SPMIP1: variants seen among roughly 807,000 people sequenced by gnomAD.
The protein encoded by SPMIP1 is protein SPMIP1.
chr7:128,870,150 G>T, the SPMIP1 span: 2 of 152,280 alleles, frequency 1.3e-5, no homozygotes, highest in Non-Finnish European at 2.9e-5. Context: ...CTTCTCCGGA[G>T]GTTTGGGCTC....
At chr7:128,868,637 C>G in the SPMIP1 span, 1 of 1,449,748 alleles carries the variant, frequency 6.9e-7, no homozygotes, top group South Asian at 1.2e-5. Flanking sequence ...CTCAGGAACC[C>G]ATGCTTGGCC....
the SPMIP1 span, chr7:128,868,563 C>A: frequency 1.6e-6 from 1 of 617,286 alleles, no homozygotes; most frequent in Non-Finnish European, 2.7e-6. Flanking sequence ...AAAGTGGCTA[C>A]TCCACTGACG....
the SPMIP1 span, chr7:128,866,677 C>G: frequency 1.1e-5 from 17 of 1,535,566 alleles, no homozygotes; most frequent in Non-Finnish European, 1.5e-5. Flanking sequence ...GGAAATGTAC[C>G]CGGTACCACC....
At chr7:128,867,613 C>T in the SPMIP1 span, among the ~76,000 whole-genome samples, 1 of 151,988 alleles carries the variant, frequency 6.6e-6, no homozygotes, top group Non-Finnish European at 1.5e-5. Flanking sequence ...ACTCTGTCAC[C>T]CAGGCTGGAA....
chr7:128,866,871 C>T, the SPMIP1 span: 2 of 1,501,832 alleles, frequency 1.3e-6, no homozygotes, highest in East Asian at 2.5e-5. Flanking sequence ...AAACAGAGCA[C>T]TAGCCATGTG....
the SPMIP1 span, chr7:128,866,636 C>T: frequency 1.3e-6 from 2 of 1,535,336 alleles, no homozygotes; most frequent in Non-Finnish European, 1.7e-6. Context: ...TCCAAGGTGC[C>T]CAGCCCTGTC....
At chr7:128,868,645 G>C in the SPMIP1 span, 1 of 1,494,676 alleles carries the variant, frequency 6.7e-7, no homozygotes, top group African/African-American at 1.4e-5. Context: ...CCCATGCTTG[G>C]CCTCTGACAT....
chr7:128,870,377 C>G, the SPMIP1 span: 2 of 152,536 alleles, frequency 1.3e-5, no homozygotes, highest in East Asian at 3.8e-4. Flanking sequence ...TTCTCTTCGA[C>G]TCCTCCCTCT....
the SPMIP1 span, chr7:128,868,885 T>G: frequency 2.9e-6 from 2 of 682,654 alleles, no homozygotes; most frequent in Non-Finnish European, 4.9e-6. Flanking sequence ...TCCCTGAGGT[T>G]GCATTCAGGC....
the SPMIP1 span, chr7:128,869,076 T>C: frequency 2.5e-6 from 1 of 403,604 alleles, no homozygotes; most frequent in Non-Finnish European, 4.4e-6. Context: ...GTTCTGGGTG[T>C]TCCTGGGGAG....
chr7:128,868,453 G>C, the SPMIP1 span, among the ~76,000 whole-genome samples: 1 of 148,254 alleles, frequency 6.7e-6, no homozygotes, highest in African/African-American at 2.6e-5. Context: ...CTGAAGCTAG[G>C]GTAATGATGG....
At chr7:128,866,736 G>T in the SPMIP1 span, 1 of 1,535,944 alleles carries the variant, frequency 6.5e-7, no homozygotes, top group African/African-American at 1.4e-5. Context: ...ACTTCCAGGG[G>T]CGGTACCGCT....
chr7:128,867,186 G>A, the SPMIP1 span, among the ~76,000 whole-genome samples: 2 of 152,208 alleles, frequency 1.3e-5, no homozygotes, highest in East Asian at 3.8e-4. Flanking sequence ...TGTAGGCAGT[G>A]GCTTTTTCAG....
At chr7:128,867,717 G>A in the SPMIP1 span, among the ~76,000 whole-genome samples, 48 of 152,160 alleles carry the variant, frequency 3.2e-4, no homozygotes, top group Non-Finnish European at 4.9e-4. Flanking sequence ...GACTGCAGGC[G>A]TGTGTCACCA....
chr7:128,868,659 T>C, the SPMIP1 span: 5 of 1,528,768 alleles, frequency 3.3e-6, no homozygotes, highest in Middle Eastern at 5.0e-4. Flanking sequence ...CTGACATCTT[T>C]TCCCAGGCCC....
At chr7:128,867,569 T>A in the SPMIP1 span, among the ~76,000 whole-genome samples, 1 of 146,456 alleles carries the variant, frequency 6.8e-6, no homozygotes, top group Non-Finnish European at 1.5e-5. Context: ...ATATAGGTGC[T>A]TTTTTTTTTT....
the SPMIP1 span, chr7:128,866,495 G>A: frequency 4.6e-5 from 70 of 1,536,016 alleles, no homozygotes; most frequent in East Asian, 1.7e-3. Context: ...CGCTGTGAAT[G>A]GTACCGCAAG....
the SPMIP1 span, among the ~76,000 whole-genome samples, chr7:128,868,038 G>A: frequency 6.6e-6 from 1 of 152,196 alleles, no homozygotes; most frequent in African/African-American, 2.4e-5. Flanking sequence ...GGCCATCAGC[G>A]GGGAGGGAGC....
At chr7:128,870,899 C>A in the SPMIP1 span, 1 of 152,530 alleles carries the variant, frequency 6.6e-6, no homozygotes, top group Non-Finnish European at 1.5e-5. Context: ...CAGGCAGACC[C>A]ACCCCTGCCA....
Sources: allele counts gnomAD v4.1 joint callset (sites outside exome capture counted in the v4.1 genomes callset), GRCh38; gene constraint gnomAD v4.1.1; transcripts MANE v1.5; gene names NCBI Gene and HGNC (gene_info 2026-07-23, HGNC 2026-07-21).